The following DLGAP2 variants were observed in gnomAD, a reference collection of about 807,000 sequenced individuals.
DLGAP2 encodes the protein disks large-associated protein 2.
A neutral mutation model predicts 100.3 loss-of-function variants in DLGAP2; 26 were observed. That is an observed-to-expected ratio of 0.26 (90% CI 0.19 to 0.36). The LOEUF (loss-of-function observed/expected upper bound fraction) is 0.36. DLGAP2 is among the 10% of genes least tolerant of loss of function. The pLI is 1.00. For missense variants in DLGAP2, 1,858 were observed against 1,453.2 expected (o/e 1.28, Z -4.53); for synonymous variants, 886 against 630.1 (o/e 1.41, Z -6.08).
rs1443126490 is a variant in DLGAP2 at position 1,288,089 on chromosome 8, G to A, written c.106+29206G>A. Reference sequence around the variant, plus strand: ...GGAGGGGAACTAGTTTCGGTTCAGTGTGTGTGTGTGCGTGTGTGGTTCTGT... The same window carrying A: ...GGAGGGGAACTAGTTTCGGTTCAGTATGTGTGTGTGCGTGTGTGGTTCTGT... On this transcript the variant is annotated intron_variant, in intron 3 of 14. Transcript: ENST00000637795. Among the ~76,000 whole-genome samples the A allele has an allele frequency of 3.9e-4, 58 of 148,766 alleles. No homozygotes were observed. In the East Asian group the frequency reaches 9.2e-3, roughly 24 times the overall value.
At chr8:1,065,046 TC>T (rs1803203371) in intron 2 of DLGAP2, among the ~76,000 whole-genome samples, 1 of 152,188 alleles carries the variant, frequency 6.6e-6, no homozygotes, top group South Asian at 2.1e-4. Flanking sequence ...AGTGGCTGAT[TC>T]CCACCCACCA....
intron 3 of DLGAP2, among the ~76,000 whole-genome samples, chr8:1,304,145 A>G (rs1004867237): frequency 1.1e-4 from 17 of 152,230 alleles, no homozygotes; most frequent in African/African-American, 4.1e-4. Flanking sequence ...AAGTGAAGCC[A>G]CTGGAATGTT....
chr8:865,773 T>G (rs934527561), intron 1 of DLGAP2, among the ~76,000 whole-genome samples: 6 of 152,214 alleles, frequency 3.9e-5, no homozygotes, highest in African/African-American at 1.4e-4. Context: ...CTGGCAGGGA[T>G]GGACCTTCGT....
intron 8 of DLGAP2, among the ~76,000 whole-genome samples, chr8:1,650,937 G>A (rs530748168): frequency 1.1e-4 from 17 of 152,272 alleles, no homozygotes; most frequent in Admixed American, 9.8e-4. Context: ...TGCTGGAGCA[G>A]AGATGGGAGG....
intron 2 of DLGAP2, among the ~76,000 whole-genome samples, chr8:920,903 C>A (rs1172464618): frequency 2.6e-5 from 4 of 152,184 alleles, no homozygotes; most frequent in Admixed American, 2.0e-4. Context: ...TCATGCTGAG[C>A]ACTTGGCAGG....
At chr8:1,020,919 C>G (rs1801607003) in intron 2 of DLGAP2, among the ~76,000 whole-genome samples, 1 of 152,204 alleles carries the variant, frequency 6.6e-6, no homozygotes, top group Non-Finnish European at 1.5e-5. Context: ...CATACAAATG[C>G]TCATCTAGGT....
At chr8:830,044 T>C (rs1480011659) in intron 1 of DLGAP2, among the ~76,000 whole-genome samples, 1 of 152,208 alleles carries the variant, frequency 6.6e-6, no homozygotes, top group South Asian at 2.1e-4. Context: ...TCAAAAGATG[T>C]GGAGATTTTT....
intron 1 of DLGAP2, among the ~76,000 whole-genome samples, chr8:858,842 G>T (rs1178513606): frequency 6.6e-6 from 1 of 152,236 alleles, no homozygotes; most frequent in Non-Finnish European, 1.5e-5. Flanking sequence ...CAAACCCACA[G>T]AATGGACAAC....
intron 3 of DLGAP2, among the ~76,000 whole-genome samples, chr8:1,501,048 C>T (rs745936797): frequency 3.3e-5 from 5 of 151,982 alleles, no homozygotes; most frequent in Non-Finnish European, 7.4e-5. Context: ...AAGTCTGTTC[C>T]AATGCAAATA....
Position 1,610,639 on chromosome 8 carries a change from T to C in DLGAP2, c.1443-16101T>C, listed in dbSNP as rs1472277008. Among the ~76,000 whole-genome samples the C allele has an allele frequency of 2.5e-3, 319 of 129,398 alleles. 4 individuals are homozygous for C. Among genetic ancestry groups the C allele is most frequent in the African/African-American group, 0.01 (307 of 30,624 alleles). The allele number at this position is 129,398 out of a possible 152,430, so 84.9% of individuals were successfully genotyped here. A position where few individuals can be genotyped will look rare whatever the true frequency, so the allele number is the denominator to read the frequency against. ...AGGATCAACAAAATTGATAGACCGC[T>C]AGCAAGACTAATAAAGAAAAAAAGA... On this transcript the variant is annotated intron_variant, in intron 6 of 14. Coordinates refer to ENST00000637795, the MANE Select transcript of DLGAP2 (RefSeq NM_001346810.2).
At chr8:1,212,184 C>T (rs889176181) in intron 2 of DLGAP2, among the ~76,000 whole-genome samples, 3 of 152,182 alleles carry the variant, frequency 2.0e-5, no homozygotes, top group Non-Finnish European at 4.4e-5. Context: ...TCCCAAGAGC[C>T]TCATGTTCAT....
intron 4 of DLGAP2, among the ~76,000 whole-genome samples, chr8:1,542,280 G>A (rs908248958): frequency 2.0e-5 from 3 of 152,184 alleles, no homozygotes; most frequent in Admixed American, 6.5e-5. Flanking sequence ...TAAAAGTCAC[G>A]CTTTAGGATG....
intron 3 of DLGAP2, among the ~76,000 whole-genome samples, chr8:1,266,058 C>G (rs1269501150): frequency 2.6e-5 from 4 of 152,164 alleles, no homozygotes; most frequent in East Asian, 3.9e-4. Flanking sequence ...AAAATTATGA[C>G]AGGGGACACC....
chr8:1,107,878 CG>C (rs1435273829), intron 2 of DLGAP2, among the ~76,000 whole-genome samples: 1 of 152,032 alleles, frequency 6.6e-6, no homozygotes, highest in African/African-American at 2.4e-5. Context: ...GTCTATAGCT[CG>C]GGGAGCACGA....
intron 2 of DLGAP2, among the ~76,000 whole-genome samples, chr8:1,046,407 C>A (rs1359972660): frequency 2.0e-5 from 3 of 152,124 alleles, no homozygotes; most frequent in South Asian, 2.1e-4. Context: ...CTCCCATTTC[C>A]CCGGCTGCCG....
chr8:980,996 T>G (rs1271449043), intron 2 of DLGAP2, among the ~76,000 whole-genome samples: 1 of 152,190 alleles, frequency 6.6e-6, no homozygotes, highest in Non-Finnish European at 1.5e-5. Flanking sequence ...TCTATAATGT[T>G]ATGTGACCAA....
rs550550385 is a variant in DLGAP2 at position 1,325,347 on chromosome 8, C to G, written c.106+66464C>G. On this transcript the variant is annotated intron_variant, in intron 3 of 14. Coordinates refer to ENST00000637795, the MANE Select transcript of DLGAP2 (RefSeq NM_001346810.2). Reference sequence around the variant, plus strand: ...CTTAGAGTTAAAGCTGCCTGTGTGTCCAGCCATCTGCCTGCAGGGGGCGTC... The same window carrying G: ...CTTAGAGTTAAAGCTGCCTGTGTGTGCAGCCATCTGCCTGCAGGGGGCGTC... 7.3e-4 allele frequency among the ~76,000 whole-genome samples: 111 copies of G among 152,296 alleles called. 1 individual carries two copies. The highest frequency in any genetic ancestry group is 1.1e-3 in the Non-Finnish European group (76 of 68,018).
intron 2 of DLGAP2, among the ~76,000 whole-genome samples, chr8:1,197,947 A>T (rs1469687796): frequency 6.6e-6 from 1 of 152,128 alleles, no homozygotes; most frequent in African/African-American, 2.4e-5. Context: ...CCACATGTGC[A>T]TCTGTCCTCA....
intron 3 of DLGAP2, among the ~76,000 whole-genome samples, chr8:1,490,702 C>G (rs1799353405): frequency 6.6e-6 from 1 of 152,142 alleles, no homozygotes; most frequent in Non-Finnish European, 1.5e-5. Flanking sequence ...GTGGCACTGT[C>G]AAATGAACTG....
Sources: gnomAD v4.1 joint callset for allele counts (sites outside exome capture counted in the v4.1 genomes callset) on GRCh38, gnomAD v4.1.1 for gene constraint, MANE v1.5 for transcripts, NCBI Gene and HGNC (gene_info 2026-07-23, HGNC 2026-07-21) for gene names.